The following SEPTIN10 variants were observed in gnomAD, a reference collection of about 807,000 sequenced individuals.
The protein encoded by SEPTIN10 is septin-10.
SEPTIN10 carries 66 observed loss-of-function variants against 54.8 expected under a neutral mutation model. That is an observed-to-expected ratio of 1.21 (90% CI 0.99 to 1.48). SEPTIN10 has a LOEUF of 1.48. Ranked by LOEUF, SEPTIN10 falls within the 40% of genes most tolerant of loss-of-function variation. SEPTIN10 has a pLI of 0.00. For synonymous variants in SEPTIN10, 161 were observed against 181.0 expected (o/e 0.89, Z 0.89); for missense variants, 620 against 545.6 (o/e 1.14, Z -1.36).
rs150810860 is a variant in SEPTIN10 at position 109,560,672 on chromosome 2, C to T, written c.1028+3694G>A. On this transcript the variant is annotated intron_variant, in intron 8 of 10. Coordinates refer to ENST00000397712, the MANE Select transcript of SEPTIN10 (RefSeq NM_144710.5). ...CAGAGGAAACTCAAAGTCAACAGGT[C>T]CCAAACTGTGACCTCCATTGTGCCT... is the stretch of plus-strand genomic sequence containing the variant. Among the ~76,000 whole-genome samples the T allele has an allele frequency of 3.9e-3, 588 of 152,264 alleles. 2 individuals are homozygous for T. The highest frequency in any genetic ancestry group is 0.013 in the African/African-American group (557 of 41,558).
intron 1 of SEPTIN10, among the ~76,000 whole-genome samples, chr2:109,595,773 C>T (rs1695170196): frequency 1.3e-5 from 2 of 152,080 alleles, no homozygotes; most frequent in African/African-American, 4.8e-5. Context: ...ACTGAGTAAA[C>T]CAGAAATGTC....
chr2:109,595,686 G>A (rs1290670951), intron 1 of SEPTIN10, among the ~76,000 whole-genome samples: 2 of 152,176 alleles, frequency 1.3e-5, no homozygotes, highest in Non-Finnish European at 2.9e-5. Context: ...GCAGAATTTC[G>A]TACTTGGAGA....
intron 1 of SEPTIN10, among the ~76,000 whole-genome samples, chr2:109,593,397 A>C (rs1026255140): frequency 6.7e-6 from 1 of 149,396 alleles, no homozygotes; most frequent in African/African-American, 2.5e-5. Context: ...TTACAAGTAG[A>C]GAGAGAAAGA....
At chr2:109,546,949 T>C (rs909911804) in intron 9 of SEPTIN10, among the ~76,000 whole-genome samples, 3 of 152,232 alleles carry the variant, frequency 2.0e-5, no homozygotes, top group Admixed American at 1.3e-4. Context: ...TGCAGGACTG[T>C]TGAGCTGAGG....
rs538631640 is a variant in SEPTIN10, at chr2:109,565,934, G to A, written c.763-75C>T. ...TAGATAAAATAAATTTTATGTGAGA[G>A]AGAAGAGAATAATTAAATAACAAAC... On this transcript the variant is annotated intron_variant, in intron 6 of 10. Transcript: ENST00000397712. 1.5e-5 allele frequency: 19 copies of A among 1,270,752 alleles called. 1 individual carries two copies. The South Asian group carries it at 2.0e-4, about 14-fold the overall frequency. 78.7% of individuals were successfully genotyped at this position (1,270,752 alleles called of 1,614,324 possible). A position where few individuals can be genotyped will look rare whatever the true frequency, so the allele number is the denominator to read the frequency against.
chr2:109,609,221 ATAATT>A (rs1378565964), intron 1 of SEPTIN10, among the ~76,000 whole-genome samples: 1 of 152,214 alleles, frequency 6.6e-6, no homozygotes, highest in Non-Finnish European at 1.5e-5. Context: ...GCAAGCATTT[ATAATT>A]TATTCATTTA....
chr2:109,588,440 G>A (rs1693102991), intron 2 of SEPTIN10, among the ~76,000 whole-genome samples: 1 of 152,078 alleles, frequency 6.6e-6, no homozygotes, highest in Non-Finnish European at 1.5e-5. Context: ...ACAAAATACA[G>A]GAGGACTGAA....
In SEPTIN10 at chr2:109,543,279, A is replaced by G. The variant is rs1227965994; in HGVS notation, c.*1030T>C. The G allele has an allele frequency of 6.6e-6, 1 of 152,430 alleles. No homozygotes were observed. Among genetic ancestry groups the G allele is most frequent in the South Asian group, 2.1e-4 (1 of 4,832 alleles). The allele number at this position is 152,430 out of a possible 1,614,324, so 9.4% of individuals were successfully genotyped here. Reference sequence around the variant, plus strand: ...GAAGACAGAGTTTAAACAAGTATGTAATGAAAAGTTTTCCTAATGAAAGCT... The same window carrying G: ...GAAGACAGAGTTTAAACAAGTATGTGATGAAAAGTTTTCCTAATGAAAGCT... On this transcript the variant is annotated 3_prime_UTR_variant, in exon 11 of 11. Coordinates refer to ENST00000397712, the MANE Select transcript of SEPTIN10 (RefSeq NM_144710.5).
chr2:109,585,841 G>A lies in SEPTIN10; in HGVS notation c.100-3C>T. Reference sequence around the variant, plus strand: ...AACGAACGAATGTTTTCTCTTTTCTGAAGGAAAATAAAAACAAAAACAACA... The same window carrying A: ...AACGAACGAATGTTTTCTCTTTTCTAAAGGAAAATAAAAACAAAAACAACA... On this transcript the variant is annotated splice_region_variant and splice_polypyrimidine_tract_variant and intron_variant, in intron 2 of 10. Coordinates refer to ENST00000397712, the MANE Select transcript of SEPTIN10 (RefSeq NM_144710.5). 2 of 1,606,532 alleles carry A rather than the reference G, an allele frequency of 1.2e-6. No homozygotes were observed.
chr2:109,585,187 G>A lies in SEPTIN10; in HGVS notation c.352C>T (p.Gln118Ter). The change falls in exon 4 of 11, where the codon CAA (glutamine) becomes TAA (stop). Residue 118 changes from glutamine (Q) to a stop codon, truncating the protein, a stop_gained. Transcript: ENST00000397712. LOFTEE classifies it high-confidence loss of function. ...QTYELQESNV[Q>*]LKLTIVNTVG... is the part of the protein sequence containing the mutation. ...GTATTCACAATGGTCAATTTCAATT[G>A]AACATTACTTTCCTGGAGTTCATAT... is the stretch of plus-strand genomic sequence containing the variant. 6.2e-7 allele frequency: 1 copy of A among 1,610,908 alleles called. No individual in the cohort carries two copies. Among genetic ancestry groups the A allele is most frequent in the Non-Finnish European group, 8.5e-7 (1 of 1,178,344 alleles).
At chr2:109,601,635 G>T (rs2106162832) in intron 1 of SEPTIN10, among the ~76,000 whole-genome samples, 1 of 152,010 alleles carries the variant, frequency 6.6e-6, no homozygotes, top group Non-Finnish European at 1.5e-5. Flanking sequence ...CTTGTCATGT[G>T]TATCATAAAT....
At chr2:109,564,255 C>T in intron 8 of SEPTIN10, 111 bp downstream of exon 8, 1 of 978,182 alleles carries the variant, frequency 1.0e-6, no homozygotes, top group Non-Finnish European at 1.4e-6. Flanking sequence ...GATTCTATAT[C>T]ATGGTTTTGG....
At chr2:109,544,456 C>T (rs1680665243) in intron 10 of SEPTIN10, 132 bp from the exon 11 acceptor site, 1 of 1,390,886 alleles carries the variant, frequency 7.2e-7, no homozygotes, top group Non-Finnish European at 9.3e-7. Context: ...AAACCAAAAA[C>T]ACCAAACCAT....
At chr2:109,547,623 A>C (rs1317062746) in intron 9 of SEPTIN10, among the ~76,000 whole-genome samples, 1 of 152,108 alleles carries the variant, frequency 6.6e-6, no homozygotes, top group Non-Finnish European at 1.5e-5. Flanking sequence ...CAGGCCTTTT[A>C]ATTTATTTTG....
chr2:109,555,765 G>A (rs1174642051), intron 8 of SEPTIN10, among the ~76,000 whole-genome samples: 1 of 152,222 alleles, frequency 6.6e-6, no homozygotes, highest in South Asian at 2.1e-4. Context: ...AAATACAAAC[G>A]GCTTAAGAAG....
chr2:109,567,443 T>C (rs1361671309), intron 6 of SEPTIN10, among the ~76,000 whole-genome samples: 2 of 152,208 alleles, frequency 1.3e-5, no homozygotes, highest in Admixed American at 1.3e-4. Flanking sequence ...TCCTTAAAGA[T>C]TTTAAGATTT....
intron 1 of SEPTIN10, among the ~76,000 whole-genome samples, chr2:109,594,505 C>T (rs1376906187): frequency 6.6e-6 from 1 of 152,122 alleles, no homozygotes; most frequent in Non-Finnish European, 1.5e-5. Context: ...GACTGTTTCG[C>T]AGTAGTATTT....
At chr2:109,578,513 C>A (rs964377349) in intron 4 of SEPTIN10, among the ~76,000 whole-genome samples, 6 of 130,976 alleles carry the variant, frequency 4.6e-5, no homozygotes, top group Non-Finnish European at 9.6e-5. Flanking sequence ...TGCCTGTAAT[C>A]CCAGCACTTT....
chr2:109,597,130 G>A (rs1380913060), intron 1 of SEPTIN10, among the ~76,000 whole-genome samples: 4 of 151,906 alleles, frequency 2.6e-5, no homozygotes, highest in Middle Eastern at 3.2e-3. Context: ...TTGTAGAGAC[G>A]AGATCTCACT....
Sources: gnomAD v4.1 joint callset for allele counts (sites outside exome capture counted in the v4.1 genomes callset) on GRCh38, gnomAD v4.1.1 for gene constraint, MANE v1.5 for transcripts, NCBI Gene and HGNC (gene_info 2026-07-23, HGNC 2026-07-21) for gene names.